ACVR1: variants seen among roughly 807,000 people sequenced by gnomAD.
The protein encoded by ACVR1 is activin receptor type-1.
In ACVR1, 38 loss-of-function variants were observed where a neutral mutation model predicts 57.1. The observed-to-expected ratio is 0.67, with a 90% confidence interval of 0.51 to 0.87. The LOEUF (loss-of-function observed/expected upper bound fraction) is 0.87. ACVR1 is among the 40% of genes least tolerant of loss of function. ACVR1 has a pLI of 0.00. For synonymous variants in ACVR1, 212 were observed against 228.1 expected, an observed-to-expected ratio of 0.93 and a Z score of 0.63; for missense variants, 463 against 638.2, an observed-to-expected ratio of 0.73 and a Z score of 2.96.
intron 3 of ACVR1, among the ~76,000 whole-genome samples, chr2:157,784,625 G>A (rs1051511134): frequency 5.3e-5 from 8 of 152,236 alleles, no homozygotes; most frequent in East Asian, 1.9e-4. Context: ...GAAAACACTC[G>A]CAGCCTGGGC....
chr2:157,815,851 A>C (rs1390560373), intron 2 of ACVR1, among the ~76,000 whole-genome samples: 1 of 152,206 alleles, frequency 6.6e-6, no homozygotes, highest in Non-Finnish European at 1.5e-5. Flanking sequence ...TGGAAAATAA[A>C]AACATACATC....
intron 1 of ACVR1, among the ~76,000 whole-genome samples, chr2:157,853,962 T>G (rs1281333653): frequency 6.6e-6 from 1 of 152,170 alleles, no homozygotes; most frequent in African/African-American, 2.4e-5. Context: ...CTAACGCAGG[T>G]TAAGTTTCCC....
At chr2:157,846,118 G>A (rs1204169075) in intron 1 of ACVR1, among the ~76,000 whole-genome samples, 2 of 152,152 alleles carry the variant, frequency 1.3e-5, no homozygotes, top group South Asian at 4.1e-4. Context: ...ATCCGGGTAG[G>A]CCCTAAATAT....
intron 2 of ACVR1, among the ~76,000 whole-genome samples, chr2:157,811,291 G>C (rs1043230901): frequency 3.3e-5 from 5 of 152,082 alleles, no homozygotes; most frequent in African/African-American, 1.2e-4. Flanking sequence ...CGTTTTCTTA[G>C]ACTCGGGAAC....
chr2:157,855,292 GTGTGTGTGTGTGTGTGTATA>G, intron 1 of ACVR1, among the ~76,000 whole-genome samples: 1 of 81,548 alleles, frequency 1.2e-5, no homozygotes, highest in African/African-American at 4.5e-5. Context: ...GTGTGTGTGT[GTGTGTGTGTGTGTGTGTATA>G]TATATATATA....
chr2:157,782,674 G>A (rs1220332764), intron 3 of ACVR1, among the ~76,000 whole-genome samples: 2 of 152,206 alleles, frequency 1.3e-5, no homozygotes, highest in Non-Finnish European at 2.9e-5. Context: ...TGCCCAACAG[G>A]TGATGATTCT....
chr2:157,776,872 A>G (rs1249318810), intron 5 of ACVR1, among the ~76,000 whole-genome samples: 1 of 152,258 alleles, frequency 6.6e-6, no homozygotes, highest in Non-Finnish European at 1.5e-5. Flanking sequence ...ATGATTTCAA[A>G]TACACATGGG....
chr2:157,865,853 T>TAGAC (rs1689908354), intron 1 of ACVR1, among the ~76,000 whole-genome samples: 1 of 150,184 alleles, frequency 6.7e-6, no homozygotes, highest in Non-Finnish European at 1.5e-5. Flanking sequence ...GATAGATAGA[T>TAGAC]AGATAGATAG....
intron 2 of ACVR1, among the ~76,000 whole-genome samples, chr2:157,811,351 T>G (rs1346728944): frequency 6.6e-6 from 1 of 152,182 alleles, no homozygotes; most frequent in Non-Finnish European, 1.5e-5. Flanking sequence ...AAATCACCCA[T>G]TCTTTAGTCA....
intron 1 of ACVR1, among the ~76,000 whole-genome samples, chr2:157,865,821 A>AAGAT (rs57214423): frequency 0.35 from 47,370 of 136,622 alleles, 8,723 homozygotes; most frequent in Non-Finnish European, 0.4. Context: ...AAAAAGAAAA[A>AAGAT]AGATAGATAG....
intron 1 of ACVR1, among the ~76,000 whole-genome samples, chr2:157,856,223 A>G (rs1050700614): frequency 6.6e-6 from 1 of 152,166 alleles, no homozygotes; most frequent in Non-Finnish European, 1.5e-5. Context: ...AGATATCATC[A>G]GCTCTGCATT....
intron 1 of ACVR1, among the ~76,000 whole-genome samples, chr2:157,854,220 A>C (rs1689425719): frequency 6.6e-6 from 1 of 151,908 alleles, no homozygotes; most frequent in Non-Finnish European, 1.5e-5. Context: ...AAAAAAAAGA[A>C]GCATTTTTTT....
chr2:157,867,495 T>C (rs1404105728), intron 1 of ACVR1, among the ~76,000 whole-genome samples: 1 of 152,128 alleles, frequency 6.6e-6, no homozygotes, highest in Admixed American at 6.5e-5. Flanking sequence ...CAGGATGAAC[T>C]GAGACAGTAG....
chr2:157,838,092 C>CG (rs1164456496), intron 1 of ACVR1: 1 of 152,124 alleles, frequency 6.6e-6, no homozygotes. Flanking sequence ...AGCTTTTCCC[C>CG]CCCTCCCCAC....
chr2:157,751,492 C>T (rs962493666), intron 9 of ACVR1, among the ~76,000 whole-genome samples: 7 of 152,212 alleles, frequency 4.6e-5, no homozygotes, highest in South Asian at 2.1e-4. Flanking sequence ...TGTCCAGACT[C>T]GACAGGTGGG....
chr2:157,737,713 T>C (rs1684589254), intron 10 of ACVR1, 48 bp from the exon 11 acceptor site: 2 of 1,613,300 alleles, frequency 1.2e-6, no homozygotes, highest in South Asian at 2.2e-5. Flanking sequence ...GGCTTTTTAA[T>C]GGCCCTGGAA....
intron 1 of ACVR1, among the ~76,000 whole-genome samples, chr2:157,828,263 C>T (rs1481537869): frequency 6.6e-6 from 1 of 152,026 alleles, no homozygotes; most frequent in Non-Finnish European, 1.5e-5. Flanking sequence ...GCCTGGCCAA[C>T]ATGGTGAAAC....
At chr2:157,820,714 A>T (rs1480347946) in intron 1 of ACVR1, among the ~76,000 whole-genome samples, 3 of 152,094 alleles carry the variant, frequency 2.0e-5, no homozygotes, top group East Asian at 1.9e-4. Flanking sequence ...TCTTCTCTAA[A>T]GATTCTTATA....
At chr2:157,774,500 G>A (rs112851437) in intron 5 of ACVR1, among the ~76,000 whole-genome samples, 2,753 of 152,214 alleles carry the variant, frequency 0.018, 77 homozygotes, top group African/African-American at 0.063. Flanking sequence ...AAGTAGCTGG[G>A]GTTACAGGCA....
Sources: gnomAD v4.1 joint callset for allele counts (sites outside exome capture counted in the v4.1 genomes callset) on GRCh38, gnomAD v4.1.1 for gene constraint, MANE v1.5 for transcripts, NCBI Gene and HGNC (gene_info 2026-07-23, HGNC 2026-07-21) for gene names.